The following RBFOX1 variants were observed in gnomAD, a reference collection of about 807,000 sequenced individuals.
RBFOX1 encodes the protein RNA binding protein fox-1 homolog 1.
Under a neutral mutation model 57.7 loss-of-function variants are expected in RBFOX1, and 8 were observed. That is an observed-to-expected ratio of 0.14 (90% confidence interval 0.08 to 0.25). RBFOX1 has a LOEUF of 0.25. Among genes scored for constraint, RBFOX1 ranks in the 10% least tolerant of loss-of-function variants. The probability of loss-of-function intolerance (pLI) is 1.00; values close to 1 mark genes in which losing one functional copy is unlikely to be tolerated. For synonymous variants in RBFOX1, 326 were observed against 222.4 expected, an observed-to-expected ratio of 1.47 and a Z score of -4.15; for missense variants, 611 against 548.5, an observed-to-expected ratio of 1.11 and a Z score of -1.14.
intron 2 of RBFOX1, among the ~76,000 whole-genome samples, chr16:6,321,177 T>C (rs979791352): frequency 6.6e-6 from 1 of 152,234 alleles, no homozygotes; most frequent in African/African-American, 2.4e-5. Context: ...TCTATACATA[T>C]ACTGTATAGT....
intron 10 of RBFOX1, among the ~76,000 whole-genome samples, chr16:7,622,764 A>G (rs1405471953): frequency 6.6e-6 from 1 of 152,236 alleles, no homozygotes. Context: ...TTGATTTATA[A>G]GAAGTAAACA....
chr16:5,978,630 T>G (rs753283812), intron 4 of RBFOX1, among the ~76,000 whole-genome samples: 1 of 152,060 alleles, frequency 6.6e-6, no homozygotes, highest in African/African-American at 2.4e-5. Flanking sequence ...TCCTCTGTTA[T>G]GTGAAAAAGA....
intron 2 of RBFOX1, among the ~76,000 whole-genome samples, chr16:6,522,621 ATAACT>A (rs1040109894): frequency 1.3e-5 from 2 of 152,180 alleles, no homozygotes; most frequent in Non-Finnish European, 2.9e-5. Flanking sequence ...TTCAGAAACC[ATAACT>A]TGGGTTGGCA....
intron 11 of RBFOX1, among the ~76,000 whole-genome samples, chr16:7,643,617 C>G (rs1421854831): frequency 3.9e-5 from 6 of 152,176 alleles, no homozygotes; most frequent in Admixed American, 1.3e-4. Context: ...TAGTACAAAC[C>G]TGCTCACTAA....
chr16:6,199,177 C>A (rs1014894506), intron 1 of RBFOX1, among the ~76,000 whole-genome samples: 1 of 152,098 alleles, frequency 6.6e-6, no homozygotes, highest in Non-Finnish European at 1.5e-5. Flanking sequence ...CATCACAGAT[C>A]TCTTACTCGG....
intron 4 of RBFOX1, among the ~76,000 whole-genome samples, chr16:7,167,373 G>A (rs921010316): frequency 2.5e-4 from 38 of 151,854 alleles, no homozygotes; most frequent in African/African-American, 8.0e-4. Context: ...TCCAGTGGCT[G>A]GTGTTTCAAT....
intron 2 of RBFOX1, among the ~76,000 whole-genome samples, chr16:6,378,994 A>T (rs2091505926): frequency 6.6e-6 from 1 of 152,156 alleles, no homozygotes; most frequent in African/African-American, 2.4e-5. Context: ...GTAATTAGAC[A>T]TAGAAGAGAG....
In RBFOX1 at chr16:5,982,581, A is replaced by G. The variant is rs559922328; in HGVS notation, c.351+115246A>G. On this transcript the variant is annotated intron_variant, in intron 4 of 19. Coordinates refer to the RBFOX1 transcript ENST00000641259. ...GTGAGCCACTGTGCCCAGCCTGCAC[A>G]TGATTTTTTAAAAGCCCTCTCATAC... Among the ~76,000 whole-genome samples the G allele has an allele frequency of 2.2e-3, 330 of 152,220 alleles. 1 individual carries two copies. Among genetic ancestry groups the G allele is most frequent in the Non-Finnish European group, 3.7e-3 (253 of 67,994 alleles).
rs149114183 is a variant in RBFOX1, at chr16:7,254,136, C to T, written c.27+202038C>T. On this transcript the variant is annotated intron_variant, in intron 4 of 15. Coordinates refer to ENST00000550418, the MANE Select transcript of RBFOX1 (RefSeq NM_018723.4). ...TTAATTCTCACATCAACCCTGTGAC[C>T]CCCTTGTTTGTCAATGAGAAGACCA... is the stretch of plus-strand genomic sequence containing the variant. 1.4e-3 allele frequency among the ~76,000 whole-genome samples: 214 copies of T among 152,158 alleles called. 1 individual carries two copies. Among genetic ancestry groups the T allele is most frequent in the African/African-American group, 4.7e-3 (197 of 41,510 alleles).
intron 2 of RBFOX1, among the ~76,000 whole-genome samples, chr16:6,564,667 G>A (rs1359932962): frequency 6.6e-6 from 1 of 152,072 alleles, no homozygotes; most frequent in African/African-American, 2.4e-5. Flanking sequence ...AGAGCTGTTG[G>A]TCAAAACACA....
intron 5 of RBFOX1, among the ~76,000 whole-genome samples, chr16:7,566,159 C>T (rs897468077): frequency 6.6e-5 from 10 of 152,096 alleles, no homozygotes; most frequent in African/African-American, 2.2e-4. Flanking sequence ...AGTGTTTATC[C>T]ATAGGATGCT....
chr16:6,636,213 C>A (rs867415125), intron 2 of RBFOX1, among the ~76,000 whole-genome samples: 1 of 152,260 alleles, frequency 6.6e-6, no homozygotes, highest in African/African-American at 2.4e-5. Context: ...CTCTGTCGCC[C>A]AGGCTGGAGT....
chr16:6,349,804 A>G (rs1325169073), intron 2 of RBFOX1, among the ~76,000 whole-genome samples: 2 of 152,162 alleles, frequency 1.3e-5, no homozygotes, highest in Admixed American at 1.3e-4. Context: ...TGGTTTTCCA[A>G]TACTTTATAG....
At chr16:6,677,712 T>C (rs546118874) in intron 3 of RBFOX1, among the ~76,000 whole-genome samples, 59 of 152,324 alleles carry the variant, frequency 3.9e-4, no homozygotes, top group Admixed American at 1.1e-3. Flanking sequence ...CATGAAATCC[T>C]TTTTTCCTCT....
At chr16:5,663,819 A>G (rs1041335280) in intron 3 of RBFOX1, among the ~76,000 whole-genome samples, 1 of 152,222 alleles carries the variant, frequency 6.6e-6, no homozygotes, top group Non-Finnish European at 1.5e-5. Context: ...CACGTCAAAG[A>G]CATTCAAAAG....
At chr16:6,839,557 T>G (rs2093342273) in intron 3 of RBFOX1, among the ~76,000 whole-genome samples, 1 of 152,200 alleles carries the variant, frequency 6.6e-6, no homozygotes, top group Non-Finnish European at 1.5e-5. Flanking sequence ...CTGAGAACAC[T>G]GAAATGCCAG....
intron 4 of RBFOX1, among the ~76,000 whole-genome samples, chr16:7,442,318 G>GTCTCCCA (rs771875745): frequency 2.0e-5 from 3 of 152,114 alleles, no homozygotes; most frequent in Non-Finnish European, 4.4e-5. Context: ...GCAGCAGTCC[G>GTCTCCCA]TCTCCCAGCA....
In RBFOX1 at chr16:7,016,807, G is replaced by A. The variant is rs191920631; in HGVS notation, c.-15-35250G>A. On this transcript the variant is annotated intron_variant, in intron 3 of 15. Coordinates refer to ENST00000550418, the MANE Select transcript of RBFOX1 (RefSeq NM_018723.4). ...GGTAGGTGACAGGACGTGGTTACCC[G>A]CCAGGTGAGGTTATTGTGATTTGGT... is the stretch of plus-strand genomic sequence containing the variant. Among the ~76,000 whole-genome samples the A allele has an allele frequency of 2.4e-4, 36 of 152,196 alleles. 1 individual carries two copies. Among genetic ancestry groups the A allele is most frequent in the African/African-American group, 5.5e-4 (23 of 41,536 alleles).
intron 3 of RBFOX1, among the ~76,000 whole-genome samples, chr16:5,691,924 A>G (rs1418315503): frequency 6.6e-6 from 1 of 152,204 alleles, no homozygotes; most frequent in Non-Finnish European, 1.5e-5. Flanking sequence ...GCCTTCCTCC[A>G]CTTTGTGGTC....
Sources: gnomAD v4.1 joint callset for allele counts (sites outside exome capture counted in the v4.1 genomes callset) on GRCh38, gnomAD v4.1.1 for gene constraint, MANE v1.5 for transcripts, NCBI Gene and HGNC (gene_info 2026-07-23, HGNC 2026-07-21) for gene names.